The following ADCY7 variants were observed in gnomAD, a reference collection of about 807,000 sequenced individuals.
The protein encoded by ADCY7 is adenylate cyclase type 7.
A neutral mutation model predicts 120.6 loss-of-function variants in ADCY7; 72 were observed. The observed-to-expected ratio is 0.60, with a 90% CI of 0.49 to 0.73. The LOEUF is 0.73. ADCY7 is among the 30% of genes least tolerant of loss of function. The probability of loss-of-function intolerance (pLI) is 0.00; values close to 1 mark genes in which losing one functional copy is unlikely to be tolerated. For missense variants in ADCY7, 1,227 were observed against 1,486.0 expected, an observed-to-expected ratio of 0.83 and a Z score of 2.87; for synonymous variants, 661 against 628.0, an observed-to-expected ratio of 1.05 and a Z score of -0.78.
At chr16:50,288,669 G>A (rs1276983558) in intron 2 of ADCY7, among the ~76,000 whole-genome samples, 1 of 151,712 alleles carries the variant, frequency 6.6e-6, no homozygotes, top group Non-Finnish European at 1.5e-5. Context: ...GTAGAGATGG[G>A]CTTTCACCAT....
At chr16:50,263,029 G>A (rs1229163073), upstream of ADCY7, among the ~76,000 whole-genome samples, 3 of 152,248 alleles carry the variant, frequency 2.0e-5, no homozygotes, top group African/African-American at 7.2e-5. Context: ...TGTTCCCAGG[G>A]AGGGTCAGGA....
intron 1 of ADCY7, among the ~76,000 whole-genome samples, chr16:50,285,036 T>C (rs901444289): frequency 2.0e-5 from 3 of 152,254 alleles, no homozygotes; most frequent in African/African-American, 4.8e-5. Context: ...TGGATGTATA[T>C]GGTTAGCACA....
In ADCY7 at chr16:50,307,133, C is replaced by T. The variant is rs1047593129; in HGVS notation, c.1836C>T (p.Val612=). The T allele has an allele frequency of 8.7e-6, 14 of 1,611,834 alleles. No homozygotes were observed. The African/African-American group carries it at 1.6e-4, about 18-fold the overall frequency. ...TCGTCTGCATCCTGCTCGTCCATGT[C>T]CTGCTCATGCCCAGGTCAGTTGCAG... ...LIFVCILLVH[V]LLMPRTAALG... is the part of the protein sequence containing the mutation. Residue 612 remains valine, a synonymous_variant, in exon 15 of 26, where the codon GTC becomes GTT. Transcript: ENST00000673801.
rs1346063538 is a variant in ADCY7, at chr16:50,300,787, G to A, written c.1149G>A (p.Gly383=). 2.6e-6 allele frequency: 4 copies of A among 1,554,218 alleles called. No homozygotes were observed. Among genetic ancestry groups the A allele is most frequent in the Non-Finnish European group, 3.5e-6 (4 of 1,148,430 alleles). The change falls in exon 9 of 26, where the codon GGG becomes GGA. Residue 383 remains glycine (G), a synonymous_variant. Transcript: ENST00000673801. The stretch of plus-strand genomic sequence containing the variant: ...TACACTCGGGGAATGTGCTGTGCGG[G>A]GTCATCGGGCTGCGCAAGTGGCAGT... ...VGIHSGNVLC[G]VIGLRKWQYD... is the part of the protein sequence containing the mutation.
Position 50,304,512 on chromosome 16 carries a change from C to T in ADCY7, c.1521C>T (p.Ser507=), listed in dbSNP as rs1391935591. The T allele has an allele frequency of 6.3e-7, 1 of 1,592,968 alleles. No homozygotes were observed. The highest frequency in any genetic ancestry group is 2.2e-5 in the East Asian group (1 of 44,592). ...ATCTCAACCACCGTGAGAGCGTGAG[C>T]AGTGGTGAGACCCACGTCCCCAACG... ...FAHLNHRESV[S]SGETHVPNGR... The change falls in exon 11 of 26, where the codon AGC becomes AGT. Residue 507 remains serine, a synonymous_variant. Coordinates refer to ENST00000673801, the MANE Select transcript of ADCY7 (RefSeq NM_001114.5).
Position 50,291,743 on chromosome 16 carries a change from T to G in ADCY7, c.383T>G (p.Phe128Cys). 6.2e-7 allele frequency: 1 copy of G among 1,614,086 alleles called. No homozygotes were observed. Among genetic ancestry groups the G allele is most frequent in the Non-Finnish European group, 8.5e-7 (1 of 1,179,976 alleles). Residue 128 changes from phenylalanine (F) to cysteine (C), a missense_variant, in exon 4 of 26, where the codon TTC (phenylalanine) becomes TGC (cysteine). Phe to Cys is a radical substitution (Grantham distance 205, BLOSUM62 -2). Transcript: ENST00000673801. Reference sequence around the variant, plus strand: ...ACCAGGCTGCATCCACAGGTGCCCTTCTTCCTGTTCATTGTCTTCGTGGTG... The same window carrying G: ...ACCAGGCTGCATCCACAGGTGCCCTGCTTCCTGTTCATTGTCTTCGTGGTG... ...KAACAWEQVP[F>C]FLFIVFVVYT...
At chr16:50,272,005 G>A (rs1447460650) in intron 1 of ADCY7, among the ~76,000 whole-genome samples, 1 of 152,150 alleles carries the variant, frequency 6.6e-6, no homozygotes, top group African/African-American at 2.4e-5. Context: ...GTGAACCCAC[G>A]ACTGGGCCTG....
intron 1 of ADCY7, among the ~76,000 whole-genome samples, chr16:50,282,081 G>A (rs899553025): frequency 6.6e-6 from 1 of 152,120 alleles, no homozygotes; most frequent in Admixed American, 6.6e-5. Context: ...TCACTCCAAG[G>A]TCCCCACTTC....
chr16:50,304,981 C>A, intron 12 of ADCY7, 22 bp downstream of exon 12: 2 of 1,612,908 alleles, frequency 1.2e-6, no homozygotes, highest in Non-Finnish European at 1.7e-6. Context: ...GCCCTCCTGG[C>A]CAAGTCCTGC....
chr16:50,245,826 C>A (rs2032562790), upstream of ADCY7, among the ~76,000 whole-genome samples: 1 of 152,060 alleles, frequency 6.6e-6, no homozygotes, highest in African/African-American at 2.4e-5. Flanking sequence ...GCCGGCCTGG[C>A]GCTCCCCAGC....
In ADCY7 at chr16:50,308,413, T is replaced by C; in HGVS notation, c.1935+2T>C. 1 of 1,614,106 alleles carries C rather than the reference T, an allele frequency of 6.2e-7. No homozygotes were observed. The highest frequency in any genetic ancestry group is 8.5e-7 in the Non-Finnish European group (1 of 1,179,990). ...CTGTGCTTTGCCACCAAGTTCTCGG[T>C]AAGTGGGGAGCTCTGGCCCCGCGGG... On this transcript the variant is annotated splice_donor_variant, in intron 16 of 25. Transcript: ENST00000673801. LOFTEE classifies it high-confidence loss of function.
chr16:50,265,352 G>A (rs1433806571), upstream of ADCY7, among the ~76,000 whole-genome samples: 1 of 128,292 alleles, frequency 7.8e-6, no homozygotes, highest in Non-Finnish European at 1.7e-5. Flanking sequence ...TGTGGCCTCT[G>A]GAGCAGCCTG....
chr16:50,309,693 G>A, intron 18 of ADCY7, 47 bp downstream of exon 18: 1 of 1,525,664 alleles, frequency 6.6e-7, no homozygotes, highest in Non-Finnish European at 8.9e-7. Context: ...GAGTGGGGCT[G>A]CTGCTGCCAG....
chr16:50,251,592 T>G (rs1320608835), intron 1 of ADCY7, among the ~76,000 whole-genome samples: 2 of 152,234 alleles, frequency 1.3e-5, no homozygotes, highest in African/African-American at 4.8e-5. Flanking sequence ...AACCACAAGA[T>G]TTTTACATAA....
chr16:50,285,169 T>C (rs553785324), intron 1 of ADCY7, among the ~76,000 whole-genome samples: 2 of 152,358 alleles, frequency 1.3e-5, no homozygotes, highest in African/African-American at 4.8e-5. Flanking sequence ...TCATTTCACG[T>C]AGAAATCAGA....
intron 5 of ADCY7, among the ~76,000 whole-genome samples, chr16:50,293,133 C>T (rs2035101994): frequency 6.6e-6 from 1 of 152,194 alleles, no homozygotes; most frequent in Non-Finnish European, 1.5e-5. Context: ...CTCAGTCACC[C>T]TGAGTCCCGG....
chr16:50,245,571 A>T (rs888670484), upstream of ADCY7, among the ~76,000 whole-genome samples: 12 of 151,932 alleles, frequency 7.9e-5, no homozygotes, highest in Admixed American at 2.0e-4. Context: ...AGGTTACAAC[A>T]CCTACTTTCT....
chr16:50,251,804 T>A (rs2032765039), intron 1 of ADCY7, among the ~76,000 whole-genome samples: 1 of 152,162 alleles, frequency 6.6e-6, no homozygotes, highest in African/African-American at 2.4e-5. Flanking sequence ...CAGTTCACTG[T>A]CCTAGGAAGT....
intron 6 of ADCY7, among the ~76,000 whole-genome samples, chr16:50,293,865 G>C (rs1309353740): frequency 6.6e-6 from 1 of 152,212 alleles, no homozygotes; most frequent in Non-Finnish European, 1.5e-5. Flanking sequence ...CCCGGCCTTG[G>C]TGCCCAAGAG....
Sources: gnomAD v4.1 joint callset for allele counts (sites outside exome capture counted in the v4.1 genomes callset) on GRCh38, gnomAD v4.1.1 for gene constraint, MANE v1.5 for transcripts, NCBI Gene and HGNC (gene_info 2026-07-23, HGNC 2026-07-21) for gene names.